Variants in MCF2L2 observed in about 807,000 individuals in gnomAD.
MCF2L2 encodes the protein MCF.2 cell line derived transforming sequence-like 2, also known as probable guanine nucleotide exchange factor MCF2L2.
MCF2L2 carries 102 observed loss-of-function variants against 150.2 expected under a neutral mutation model. That is an observed-to-expected ratio of 0.68 (90% CI 0.58 to 0.80). MCF2L2 has a LOEUF of 0.80. Ranked by LOEUF, MCF2L2 falls within the 30% of genes least tolerant of loss-of-function variation. The pLI, the probability that MCF2L2 is intolerant of heterozygous loss-of-function variation, is 0.00. For missense variants in MCF2L2, 1,256 were observed against 1,372.8 expected (o/e 0.91, Z 1.34); for synonymous variants, 465 against 491.3 (o/e 0.95, Z 0.71).
At chr3:183,406,812 G>T (rs1050838474) in intron 1 of MCF2L2, among the ~76,000 whole-genome samples, 3 of 152,074 alleles carry the variant, frequency 2.0e-5, no homozygotes, top group Non-Finnish European at 1.5e-5. Context: ...TTTTTCCCCA[G>T]ATGGTGGGTT....
At chr3:183,276,747 G>C in intron 15 of MCF2L2, 125 bp downstream of exon 15, 1 of 644,442 alleles carries the variant, frequency 1.6e-6, no homozygotes, top group East Asian at 3.0e-5. Context: ...ATGAAGGTTA[G>C]TATAGAGGAT....
At chr3:183,339,106 C>T (rs557018536) in intron 4 of MCF2L2, among the ~76,000 whole-genome samples, 187 bp from the exon 5 acceptor site, 25 of 152,094 alleles carry the variant, frequency 1.6e-4, no homozygotes, top group Admixed American at 1.4e-3. Context: ...AATCCTAACC[C>T]CTCCTAAAAA....
intron 12 of MCF2L2, chr3:183,296,205 CAGA>C (rs1728494193): frequency 6.6e-6 from 1 of 152,444 alleles, no homozygotes; most frequent in Admixed American, 6.5e-5. Flanking sequence ...ATGTGGCTCT[CAGA>C]GGAAGGTGTG....
rs937011001 is a variant in MCF2L2 at position 183,305,212 on chromosome 3, A to G, written c.1113+4504T>C. Among the ~76,000 whole-genome samples, 1 of 152,200 alleles carries G rather than the reference A, an allele frequency of 6.6e-6. No homozygotes were observed. Among genetic ancestry groups the G allele is most frequent in the Admixed American group, 6.5e-5 (1 of 15,276 alleles). On this transcript the variant is annotated intron_variant, in intron 10 of 29. Transcript: ENST00000328913. This position sits in a 1 kb window ranked among gnomAD's most constrained non-coding sequence, Gnocchi z 4.1. Reference sequence around the variant, plus strand: ...GGCTCAGACCAACATACACAGAGAAAAATGGCTGCACTTGTTCTGCCTAAA... The same window carrying G: ...GGCTCAGACCAACATACACAGAGAAGAATGGCTGCACTTGTTCTGCCTAAA...
intron 25 of MCF2L2, among the ~76,000 whole-genome samples, chr3:183,204,650 A>G (rs927883356): frequency 2.0e-5 from 3 of 152,184 alleles, no homozygotes; most frequent in Admixed American, 1.3e-4. Context: ...GCAATTCTAC[A>G]TATATACACC....
intron 6 of MCF2L2, among the ~76,000 whole-genome samples, chr3:183,321,613 T>TA (rs1560020715): frequency 6.6e-6 from 1 of 152,010 alleles, no homozygotes. Flanking sequence ...AACTTCAATT[T>TA]AAAAAAATTG....
chr3:183,307,943 T>C (rs965308342), intron 10 of MCF2L2, among the ~76,000 whole-genome samples: 4 of 152,230 alleles, frequency 2.6e-5, no homozygotes, highest in Non-Finnish European at 5.9e-5. Flanking sequence ...CTTGCTTTGA[T>C]ACTATTCCCT....
At chr3:183,209,755 C>T (rs1390394355) in intron 22 of MCF2L2, among the ~76,000 whole-genome samples, 1 of 152,164 alleles carries the variant, frequency 6.6e-6, no homozygotes, top group Non-Finnish European at 1.5e-5. Context: ...TCCCAAAGTG[C>T]TGGGATTACA....
At chr3:183,199,872 C>T (rs929192601) in intron 25 of MCF2L2, among the ~76,000 whole-genome samples, 2 of 150,342 alleles carry the variant, frequency 1.3e-5, no homozygotes, top group African/African-American at 4.9e-5. Flanking sequence ...TGAGAACACA[C>T]GGTGTTTGGT....
chr3:183,427,588 C>G (rs1716231980), intron 1 of MCF2L2, among the ~76,000 whole-genome samples: 1 of 149,626 alleles, frequency 6.7e-6, no homozygotes, highest in South Asian at 2.1e-4. Context: ...ACTTCCCACC[C>G]ACCCTACTCC....
At chr3:183,294,397 G>C (rs1412649588) in intron 13 of MCF2L2, among the ~76,000 whole-genome samples, 2 of 151,876 alleles carry the variant, frequency 1.3e-5, no homozygotes, top group East Asian at 3.9e-4. Flanking sequence ...TGTCGCCCAG[G>C]CTGGAGGGCA....
At chr3:183,278,250 G>T (rs1383603805) in intron 14 of MCF2L2, among the ~76,000 whole-genome samples, 1 of 149,322 alleles carries the variant, frequency 6.7e-6, no homozygotes, top group Admixed American at 6.7e-5. Context: ...AAAAATAAAA[G>T]ATATCTCATC....
At position 183,323,259 on chromosome 3, in the gene MCF2L2, G is replaced by A. The variant is rs140697821; in HGVS notation, c.579C>T (p.His193=). 6.8e-6 allele frequency: 11 copies of A among 1,612,940 alleles called. No individual in the cohort carries two copies. The highest frequency in any genetic ancestry group is 4.5e-5 in the East Asian group (2 of 44,888). Residue 193 remains histidine, a synonymous_variant, in exon 6 of 30, where the codon CAC becomes CAT. Coordinates refer to ENST00000328913, the MANE Select transcript of MCF2L2 (RefSeq NM_015078.4). ...RELGGTLEYR[H]GQWVNHRTAI... ...CAGTGCGGTGATTTACCCACTGACC[G>A]TGGCGATATTCCAAAGTCCCCCCTA...
intron 3 of MCF2L2, among the ~76,000 whole-genome samples, chr3:183,349,432 T>G (rs530759805): frequency 1.3e-5 from 2 of 152,236 alleles, no homozygotes; most frequent in Non-Finnish European, 2.9e-5. Context: ...CCTTTGTGAT[T>G]TTTTTCTTTG....
rs76904524 is a variant in MCF2L2 at position 183,283,169 on chromosome 3, C to T, written c.1776+5951G>A. Among the ~76,000 whole-genome samples, 4 of 152,128 alleles carry T rather than the reference C, an allele frequency of 2.6e-5. No individual in the cohort carries two copies. The highest frequency in any genetic ancestry group is 6.5e-5 in the Admixed American group (1 of 15,282). On this transcript the variant is annotated intron_variant, in intron 14 of 29. Transcript: ENST00000328913. The surrounding 1 kb of genome is among the most constrained non-coding windows in gnomAD (Gnocchi z 4.2). Reference sequence around the variant, plus strand: ...GTCGTGTTCTAGCCACTAGGGAGAACGTTTCAGTCAATGGGTATGATTTCT... The same window carrying T: ...GTCGTGTTCTAGCCACTAGGGAGAATGTTTCAGTCAATGGGTATGATTTCT...
intron 11 of MCF2L2, chr3:183,298,765 G>GCGCGCACGCGCGCGCGCACACACA: frequency 7.2e-6 from 1 of 138,500 alleles, no homozygotes; most frequent in African/African-American, 2.9e-5. Flanking sequence ...AAACACACAT[G>GCGCGCACGCGCGCGCGCACACACA]CACACACACA....
intron 3 of MCF2L2, among the ~76,000 whole-genome samples, chr3:183,365,296 T>C (rs1210424970): frequency 6.6e-6 from 1 of 152,172 alleles, no homozygotes; most frequent in Non-Finnish European, 1.5e-5. Context: ...ACAGTCCCAA[T>C]GACAAGATCA....
intron 21 of MCF2L2, among the ~76,000 whole-genome samples, chr3:183,217,237 T>C (rs944163360): frequency 9.6e-5 from 13 of 135,426 alleles, no homozygotes; most frequent in Non-Finnish European, 1.7e-4. Context: ...GAGGTTGCAG[T>C]GAGCCCAGAT....
chr3:183,390,451 TA>T (rs538624858), intron 1 of MCF2L2, among the ~76,000 whole-genome samples: 1 of 152,328 alleles, frequency 6.6e-6, no homozygotes, highest in East Asian at 1.9e-4. Context: ...AAAGTTCCTC[TA>T]ACCCTAGAAA....
Sources: allele counts gnomAD v4.1 joint callset (sites outside exome capture counted in the v4.1 genomes callset), GRCh38; gene constraint gnomAD v4.1.1; non-coding constraint Gnocchi (gnomAD v3.1); transcripts MANE v1.5; gene names NCBI Gene and HGNC (gene_info 2026-07-23, HGNC 2026-07-21).